MAN2B2: variants seen among roughly 807,000 people sequenced by gnomAD.
MAN2B2 encodes the protein mannosidase alpha class 2B member 2.
A neutral mutation model predicts 117.1 loss-of-function variants in MAN2B2; 106 were observed. The ratio of observed to expected loss-of-function variants is 0.90; its 90% confidence interval spans 0.77 to 1.06. The LOEUF (loss-of-function observed/expected upper bound fraction) is 1.06, where lower values mean the gene tolerates loss of function less well. Ranked by LOEUF, MAN2B2 falls within the 50% of genes least tolerant of loss-of-function variation. The pLI is 0.00. For missense variants in MAN2B2, 1,326 were observed against 1,381.4 expected (o/e 0.96, Z 0.64); for synonymous variants, 544 against 595.1 (o/e 0.91, Z 1.25).
chr4:6,590,577 G>T (rs1197200995), intron 5 of MAN2B2, among the ~76,000 whole-genome samples: 1 of 152,162 alleles, frequency 6.6e-6, no homozygotes, highest in Non-Finnish European at 1.5e-5. Context: ...CCAGGGCACT[G>T]TCCAGTGTCT....
chr4:6,594,093 AATT>A (rs1726971324), intron 6 of MAN2B2, among the ~76,000 whole-genome samples: 1 of 152,052 alleles, frequency 6.6e-6, no homozygotes, highest in African/African-American at 2.4e-5. Context: ...TAATTATAAT[AATT>A]AATAATCATT....
At chr4:6,619,611 A>C in intron 17 of MAN2B2, 1 of 290,828 alleles carries the variant, frequency 3.4e-6, no homozygotes, top group East Asian at 8.9e-5. Context: ...CACCTGAGCA[A>C]TGTGGGGAGA....
At chr4:6,620,102 G>A in intron 18 of MAN2B2, 58 bp downstream of exon 18, 1 of 1,405,116 alleles carries the variant, frequency 7.1e-7, no homozygotes, top group Non-Finnish European at 9.8e-7. Context: ...CTCAGCAGCT[G>A]GTCAGACCCG....
Position 6,609,062 on chromosome 4 carries a change from C to G in MAN2B2, c.1815-45C>G, listed in dbSNP as rs770855475. On this transcript the variant is annotated intron_variant, in intron 11 of 18. Transcript: ENST00000285599. ...GCTTGCCAGCCGGTGTCTGTAAGAC[C>G]TTGTGCAGGATGAGAATGACATCTT... is the stretch of plus-strand genomic sequence containing the variant. 4 of 1,567,358 alleles carry G rather than the reference C, an allele frequency of 2.6e-6. No homozygotes were observed. In the East Asian group the frequency reaches 6.8e-5, roughly 27 times the overall value.
At chr4:6,620,516 T>G in intron 18 of MAN2B2, 1 of 178,184 alleles carries the variant, frequency 5.6e-6, no homozygotes, top group Non-Finnish European at 1.2e-5. Context: ...CTGCTCAAGC[T>G]CCCCAGGATG....
intron 3 of MAN2B2, among the ~76,000 whole-genome samples, chr4:6,578,908 G>A (rs1402327555): frequency 6.6e-6 from 1 of 151,398 alleles, no homozygotes; most frequent in Non-Finnish European, 1.5e-5. Context: ...GTAAGTGTTT[G>A]CTGCCTTCCA....
chr4:6,578,406 T>C lies in MAN2B2; in HGVS notation c.299T>C (p.Leu100Pro). 1 of 1,613,394 alleles carries C rather than the reference T, an allele frequency of 6.2e-7. No homozygotes were observed. Among genetic ancestry groups the C allele is most frequent in the South Asian group, 1.1e-5 (1 of 90,938 alleles). ...DQQKYQVRQL[L>P]EEGRLEFVIG... ...GCCCATGTCAAGGTCCGCCAGCTCCTGGAGGAAGGACGCCTGGAATTTGTC... is the reference window on the plus strand; with the variant it reads ...GCCCATGTCAAGGTCCGCCAGCTCCCGGAGGAAGGACGCCTGGAATTTGTC... The change falls in exon 3 of 19, where the codon CTG becomes CCG. Residue 100 changes from leucine to proline, a missense_variant. Leu to Pro is a moderately conservative substitution (Grantham distance 98). Transcript: ENST00000285599.
intron 11 of MAN2B2, among the ~76,000 whole-genome samples, chr4:6,606,442 C>T (rs7678345): frequency 0.2 from 30,882 of 152,220 alleles, 3,476 homozygotes; most frequent in Middle Eastern, 0.31. Flanking sequence ...CCAAGCCTGC[C>T]AGGTTAGGCC....
rs531687784 is a variant in MAN2B2 at position 6,619,603 on chromosome 4, C to G, written c.2815-324C>G. On this transcript the variant is annotated intron_variant, in intron 17 of 18. Transcript: ENST00000285599. Reference sequence around the variant, plus strand: ...CCTCCCTGGACTGGGCACGGGGCCACCTGAGCAATGTGGGGAGAGGAGAAC... The same window carrying G: ...CCTCCCTGGACTGGGCACGGGGCCAGCTGAGCAATGTGGGGAGAGGAGAAC... 1.4e-5 allele frequency: 4 copies of G among 281,428 alleles called. No individual in the cohort carries two copies. In the South Asian group the frequency reaches 1.5e-4, roughly 10 times the overall value. The allele number at this position is 281,428 out of a possible 1,614,324, so 17.4% of individuals were successfully genotyped here. A position where few individuals can be genotyped will look rare whatever the true frequency, so the allele number is the denominator to read the frequency against.
chr4:6,619,828 C>A, intron 17 of MAN2B2, 99 bp from the exon 18 acceptor site: 2 of 1,034,616 alleles, frequency 1.9e-6, no homozygotes, highest in Non-Finnish European at 2.9e-6. Flanking sequence ...CTCCTGAGGA[C>A]ACCGAGTTCG....
At chr4:6,597,525 G>A (rs978481867) in intron 8 of MAN2B2, among the ~76,000 whole-genome samples, 1 of 152,234 alleles carries the variant, frequency 6.6e-6, no homozygotes, top group Non-Finnish European at 1.5e-5. Flanking sequence ...ATTAAGCTTT[G>A]TAGCAGTTTA....
intron 3 of MAN2B2, among the ~76,000 whole-genome samples, chr4:6,585,839 A>C (rs1011838243): frequency 7.2e-5 from 11 of 152,122 alleles, no homozygotes; most frequent in African/African-American, 2.4e-4. Flanking sequence ...TGGTCATGGC[A>C]CAGCAGCTGG....
intron 10 of MAN2B2, among the ~76,000 whole-genome samples, chr4:6,604,538 A>G (rs1254472671): frequency 2.6e-5 from 4 of 151,468 alleles, no homozygotes; most frequent in Admixed American, 1.3e-4. Flanking sequence ...GGGTGGAGAA[A>G]GCCGGACAGC....
chr4:6,607,727 G>A (rs574252495), intron 11 of MAN2B2, among the ~76,000 whole-genome samples: 13 of 152,182 alleles, frequency 8.5e-5, no homozygotes, highest in African/African-American at 2.6e-4. Context: ...ATACATTTTC[G>A]TTTCTCCTGG....
chr4:6,593,208 C>T lies in MAN2B2; in HGVS notation c.716C>T (p.Pro239Leu). Residue 239 changes from proline to leucine, a missense_variant, in exon 6 of 19, where the codon CCC becomes CTC. Physicochemically the swap from Pro to Leu is moderately conservative, Grantham distance 98. Coordinates refer to ENST00000285599, the MANE Select transcript of MAN2B2 (RefSeq NM_015274.3). ...TACTGGAATGGCGTGGCTGTCTTCCCCAAGCCTCCCCAAGATGGGGTGTAC... is the reference window on the plus strand; with the variant it reads ...TACTGGAATGGCGTGGCTGTCTTCCTCAAGCCTCCCCAAGATGGGGTGTAC... Reference protein sequence around the residue: ...GFYWNGVAVFPKPPQDGVYPN... With the variant: ...GFYWNGVAVFLKPPQDGVYPN... The T allele has an allele frequency of 1.2e-6, 2 of 1,613,864 alleles. No individual in the cohort carries two copies. The highest frequency in any genetic ancestry group is 1.7e-6 in the Non-Finnish European group (2 of 1,179,882).
At position 6,610,052 on chromosome 4, in the gene MAN2B2, T is replaced by G. The variant is rs773293490; in HGVS notation, c.2259+2T>G. On this transcript the variant is annotated splice_donor_variant, in intron 13 of 18. Transcript: ENST00000285599. LOFTEE classifies it high-confidence loss of function. Reference sequence around the variant, plus strand: ...TATGTGAACAACAGCATCGCCCGGGTATGTCCTGCAATGCCCACAAGGCAC... The same window carrying G: ...TATGTGAACAACAGCATCGCCCGGGGATGTCCTGCAATGCCCACAAGGCAC... 1.9e-6 allele frequency: 3 copies of G among 1,613,894 alleles called. No homozygotes were observed. The highest frequency in any genetic ancestry group is 2.5e-6 in the Non-Finnish European group (3 of 1,179,920).
At chr4:6,619,597 G>T (rs75225985) in intron 17 of MAN2B2, 3,917 of 272,174 alleles carry the variant, frequency 0.014, 134 homozygotes, top group African/African-American at 0.076. Flanking sequence ...ACTGGGCACG[G>T]GGCCACCTGA....
rs1483056771 is a variant in MAN2B2, at chr4:6,602,921, C to A, written c.1540-2134C>A. On this transcript the variant is annotated intron_variant, in intron 10 of 18. Coordinates refer to ENST00000285599, the MANE Select transcript of MAN2B2 (RefSeq NM_015274.3). ...AAACTCCTGGCCTCAAGCAATCCTC[C>A]CACCTTGGCCTCCCAAAGAGCTGGA... is the stretch of plus-strand genomic sequence containing the variant. 1.1e-4 allele frequency among the ~76,000 whole-genome samples: 17 copies of A among 152,110 alleles called. 1 individual carries two copies. Among genetic ancestry groups the A allele is most frequent in the Non-Finnish European group, 5.9e-5 (4 of 68,022 alleles).
intron 3 of MAN2B2, among the ~76,000 whole-genome samples, chr4:6,582,815 C>T (rs770737786): frequency 6.6e-6 from 1 of 151,068 alleles, no homozygotes; most frequent in Non-Finnish European, 1.5e-5. Flanking sequence ...TCACCCCCCA[C>T]CACCTCCCAC....
Sources: gnomAD v4.1 joint callset for allele counts (sites outside exome capture counted in the v4.1 genomes callset) on GRCh38, gnomAD v4.1.1 for gene constraint, MANE v1.5 for transcripts, NCBI Gene and HGNC (gene_info 2026-07-23, HGNC 2026-07-21) for gene names.